NEDD4L: variants seen among roughly 807,000 people sequenced by gnomAD.
NEDD4L encodes NEDD4 like E3 ubiquitin protein ligase, also known as E3 ubiquitin-protein ligase NEDD4-like.
A neutral mutation model predicts 148.9 loss-of-function variants in NEDD4L; 54 were observed. The ratio of observed to expected loss-of-function variants is 0.36; its 90% CI spans 0.29 to 0.45. The LOEUF is 0.45. Among genes scored for constraint, NEDD4L ranks in the 20% least tolerant of loss-of-function variants. The probability of loss-of-function intolerance (pLI) is 1.00; values close to 1 mark genes in which losing one functional copy is unlikely to be tolerated. For missense variants in NEDD4L, 856 were observed against 1,233.8 expected, an observed-to-expected ratio of 0.69 and a Z score of 4.59; for synonymous variants, 433 against 440.7, an observed-to-expected ratio of 0.98 and a Z score of 0.22.
At chr18:58,375,702 C>G (rs1213317723) in intron 24 of NEDD4L, among the ~76,000 whole-genome samples, 1 of 152,194 alleles carries the variant, frequency 6.6e-6, no homozygotes, top group East Asian at 1.9e-4. Flanking sequence ...CTGTATGCCC[C>G]CTGAGGTCTT....
At chr18:58,240,321 T>C (rs2046484110) in intron 2 of NEDD4L, among the ~76,000 whole-genome samples, 1 of 152,186 alleles carries the variant, frequency 6.6e-6, no homozygotes, top group Admixed American at 6.5e-5. Context: ...AGGGTGCATT[T>C]TGGTGTCTGC....
chr18:58,321,350 C>T (rs554303673), intron 6 of NEDD4L, among the ~76,000 whole-genome samples: 4 of 152,322 alleles, frequency 2.6e-5, no homozygotes, highest in African/African-American at 9.6e-5. Context: ...GTCAGCTGTC[C>T]AGCAGAGGGA....
chr18:58,145,630 G>GT (rs56118910), intron 1 of NEDD4L, among the ~76,000 whole-genome samples: 51 of 149,254 alleles, frequency 3.4e-4, no homozygotes, highest in South Asian at 1.3e-3. Context: ...AAGGAATTGG[G>GT]TTTTTTTTTT....
Position 58,322,502 on chromosome 18 carries a change from A to C in NEDD4L, c.410+16A>C. The stretch of plus-strand genomic sequence containing the variant: ...GACCAAGAAGGTGAGGCTTGTGGGT[A>C]TGGGTGGGTGGGGATGCCTGCCCTG... On this transcript the variant is annotated intron_variant, in intron 7 of 30. Coordinates refer to ENST00000400345, the MANE Select transcript of NEDD4L (RefSeq NM_001144967.3). 3.6e-6 allele frequency: 2 copies of C among 562,406 alleles called. No individual in the cohort carries two copies. Among genetic ancestry groups the C allele is most frequent in the Non-Finnish European group, 3.5e-6 (1 of 283,384 alleles). The allele number at this position is 562,406 out of a possible 1,614,324, so 34.8% of individuals were successfully genotyped here.
intron 2 of NEDD4L, among the ~76,000 whole-genome samples, chr18:58,242,011 A>T (rs2046692890): frequency 6.6e-6 from 1 of 152,104 alleles, no homozygotes; most frequent in Admixed American, 6.5e-5. Flanking sequence ...CTTGATGCCA[A>T]GAGTGAATTC....
intron 5 of NEDD4L, among the ~76,000 whole-genome samples, chr18:58,295,376 C>T (rs2055406035): frequency 1.3e-5 from 2 of 152,064 alleles, no homozygotes. Flanking sequence ...AGTGTGTAGC[C>T]TTTTCATAGT....
chr18:58,298,427 G>C (rs903097429), intron 5 of NEDD4L, among the ~76,000 whole-genome samples: 1 of 152,076 alleles, frequency 6.6e-6, no homozygotes, highest in Non-Finnish European at 1.5e-5. Flanking sequence ...TGCACAATTA[G>C]GGCTTGATTC....
intron 18 of NEDD4L, among the ~76,000 whole-genome samples, chr18:58,351,435 T>C (rs970484921): frequency 2.6e-5 from 4 of 152,270 alleles, no homozygotes; most frequent in Admixed American, 2.6e-4. Flanking sequence ...ATGTAAGTTT[T>C]TTAGACACTG....
chr18:58,105,873 C>G (rs1568223436), intron 1 of NEDD4L, among the ~76,000 whole-genome samples: 1 of 152,168 alleles, frequency 6.6e-6, no homozygotes, highest in Non-Finnish European at 1.5e-5. Context: ...GGGTCATAGT[C>G]TGTGATGGTG....
chr18:58,115,248 T>TA lies in NEDD4L; in HGVS notation c.49-50540_49-50539insA, dbSNP rs1247540427. Among the ~76,000 whole-genome samples, 3 of 148,554 alleles carry TA rather than the reference T, an allele frequency of 2.0e-5. No homozygotes were observed. In the East Asian group the frequency reaches 5.8e-4, roughly 29 times the overall value. On this transcript the variant is annotated intron_variant, in intron 1 of 30. Transcript: ENST00000400345. ...TTTTTCTTTTCTTTCTTTCTTTCTT[T>TA]TTTTTTTTTTTTTCTGGTTCTGGGC...
chr18:58,187,416 GGAA>G (rs1334393504), intron 2 of NEDD4L, among the ~76,000 whole-genome samples: 3 of 152,116 alleles, frequency 2.0e-5, no homozygotes, highest in Non-Finnish European at 4.4e-5. Flanking sequence ...CAGGGACCGG[GGAA>G]GAAGGAGTAA....
chr18:58,389,093 G>A lies in NEDD4L; in HGVS notation c.2556G>A (p.Met852Ile), dbSNP rs2049440419. 3 of 1,613,900 alleles carry A rather than the reference G, an allele frequency of 1.9e-6. No individual in the cohort carries two copies. The highest frequency in any genetic ancestry group is 2.5e-6 in the Non-Finnish European group (3 of 1,179,768). Residue 852 changes from methionine (M) to isoleucine (I), a missense_variant, in exon 28 of 31, where the codon ATG becomes ATA. Around this residue, in one of 4 missense-constraint regions of NEDD4L, gnomAD observed 286 missense variants for 531.8 expected, o/e 0.54. Coordinates refer to ENST00000400345, the MANE Select transcript of NEDD4L (RefSeq NM_001144967.3). ...IFDENELELL[M>I]CGLGDVDVND... ...GTAAATTTTCTTCCTAGTTGCTCAT[G>A]TGCGGCCTCGGTGATGTGGATGTGA...
chr18:58,323,670 G>T (rs2059046536), intron 8 of NEDD4L, among the ~76,000 whole-genome samples: 1 of 152,106 alleles, frequency 6.6e-6, no homozygotes, highest in Non-Finnish European at 1.5e-5. Context: ...ATTCTTTTTA[G>T]CCATTGAGGT....
At chr18:58,061,948 C>T (rs2144705530) in intron 1 of NEDD4L, among the ~76,000 whole-genome samples, 2 of 152,230 alleles carry the variant, frequency 1.3e-5, no homozygotes, top group South Asian at 4.1e-4. Context: ...TGGTTATTTT[C>T]CAGTTCTGGG....
intron 5 of NEDD4L, among the ~76,000 whole-genome samples, chr18:58,313,130 AT>A (rs1169420818): frequency 1.3e-5 from 2 of 152,244 alleles, no homozygotes; most frequent in Non-Finnish European, 2.9e-5. Flanking sequence ...GTTTAAGCCA[AT>A]TCATTTTGAC....
At position 58,282,801 on chromosome 18, in the gene NEDD4L, A is replaced by G. The variant is rs147030902; in HGVS notation, c.297+30747A>G. On this transcript the variant is annotated intron_variant, in intron 5 of 30. Coordinates refer to ENST00000400345, the MANE Select transcript of NEDD4L (RefSeq NM_001144967.3). ...TAAGGAAATATAGAGAACACATTCA[A>G]TTTGGGAAATTCCCGTCTGTATCAG... 2.4e-3 allele frequency among the ~76,000 whole-genome samples: 368 copies of G among 152,344 alleles called. 5 individuals carry two copies. Among genetic ancestry groups the G allele is most frequent in the African/African-American group, 8.4e-3 (348 of 41,582 alleles).
intron 17 of NEDD4L, among the ~76,000 whole-genome samples, chr18:58,350,200 T>A (rs185053808): frequency 6.6e-6 from 1 of 152,314 alleles, no homozygotes; most frequent in Admixed American, 6.5e-5. Flanking sequence ...GGGCAGTGGT[T>A]GGACTCCAAG....
chr18:58,189,150 AT>A (rs2039809526), intron 2 of NEDD4L, among the ~76,000 whole-genome samples: 1 of 152,014 alleles, frequency 6.6e-6, no homozygotes, highest in African/African-American at 2.4e-5. Context: ...GCAAGTACCT[AT>A]TTTTAGACTT....
intron 1 of NEDD4L, among the ~76,000 whole-genome samples, chr18:58,110,173 A>G (rs1368061384): frequency 1.3e-5 from 2 of 152,162 alleles, no homozygotes; most frequent in Non-Finnish European, 1.5e-5. Context: ...GTCCAAGTGG[A>G]TAAATAGCCT....
Sources: allele counts gnomAD v4.1 joint callset (sites outside exome capture counted in the v4.1 genomes callset), GRCh38; gene constraint gnomAD v4.1.1; regional missense constraint gnomAD v4.1.1; transcripts MANE v1.5; gene names NCBI Gene and HGNC (gene_info 2026-07-23, HGNC 2026-07-21).